PMFBP1: variants seen among roughly 807,000 people sequenced by gnomAD.
PMFBP1 encodes polyamine-modulated factor 1-binding protein 1.
PMFBP1 carries 131 observed loss-of-function variants against 137.8 expected under a neutral mutation model. The ratio of observed to expected loss-of-function variants is 0.95; its 90% CI spans 0.82 to 1.10. The LOEUF is 1.10. Ranked by LOEUF, PMFBP1 falls within the 50% of genes least tolerant of loss-of-function variation. The pLI is 0.00. For synonymous variants in PMFBP1, 490 were observed against 450.4 expected (o/e 1.09, Z -1.11); for missense variants, 1,199 against 1,175.4 (o/e 1.02, Z -0.29).
the PMFBP1 span, among the ~76,000 whole-genome samples, chr16:72,219,036 A>T: frequency 6.6e-6 from 1 of 152,228 alleles, no homozygotes; most frequent in Non-Finnish European, 1.5e-5. Context: ...TCAATTTATG[A>T]CATATAACAT....
upstream of PMFBP1, among the ~76,000 whole-genome samples, chr16:72,181,248 AAAT>A (rs1224881528): frequency 6.0e-5 from 9 of 150,212 alleles, no homozygotes; most frequent in Admixed American, 2.6e-4. Context: ...AAAAAAAAAA[AAAT>A]AATAATAATA....
the PMFBP1 span, among the ~76,000 whole-genome samples, chr16:72,200,609 A>T: frequency 6.6e-6 from 1 of 152,278 alleles, no homozygotes; most frequent in Non-Finnish European, 1.5e-5. Flanking sequence ...TTCCTGATGA[A>T]TTGCATTAAA....
chr16:72,224,417 A>C, the PMFBP1 span: 1 of 152,258 alleles, frequency 6.6e-6, no homozygotes, highest in East Asian at 1.9e-4. Flanking sequence ...CTACAGAATA[A>C]AGTTCAAGCT....
intron 14 of PMFBP1, among the ~76,000 whole-genome samples, chr16:72,127,712 G>T (rs754465757): frequency 6.6e-6 from 1 of 152,160 alleles, no homozygotes; most frequent in Non-Finnish European, 1.5e-5. Context: ...AATGGTATTA[G>T]GTCTAGATGG....
At chr16:72,129,032 C>T in intron 13 of PMFBP1, 34 bp downstream of exon 13, 1 of 1,606,584 alleles carries the variant, frequency 6.2e-7, no homozygotes. Context: ...GCTCTGGATT[C>T]CTGACCCAGC....
chr16:72,176,943 T>C (rs926365505), upstream of PMFBP1: 6 of 152,268 alleles, frequency 3.9e-5, no homozygotes, highest in African/African-American at 1.4e-4. Flanking sequence ...CTTTCTCGAC[T>C]TGCCTTGGTT....
chr16:72,118,309 C>T (rs953439882), downstream of PMFBP1, among the ~76,000 whole-genome samples: 1 of 152,212 alleles, frequency 6.6e-6, no homozygotes, highest in African/African-American at 2.4e-5. Flanking sequence ...CAACAACTAT[C>T]ATAACAGAAA....
chr16:72,223,900 T>G, the PMFBP1 span, among the ~76,000 whole-genome samples: 2 of 152,158 alleles, frequency 1.3e-5, no homozygotes, highest in Non-Finnish European at 2.9e-5. Flanking sequence ...TATCTATACC[T>G]TAAAGGCCAG....
chr16:72,249,197 C>T, the PMFBP1 span, among the ~76,000 whole-genome samples: 2 of 152,082 alleles, frequency 1.3e-5, no homozygotes, highest in Admixed American at 1.3e-4. Context: ...GTAGGTGCCT[C>T]CATTTCAGTG....
the PMFBP1 span, among the ~76,000 whole-genome samples, chr16:72,210,422 G>C: frequency 6.6e-6 from 1 of 152,076 alleles, no homozygotes; most frequent in Admixed American, 6.6e-5. Flanking sequence ...ATCCTTCCTG[G>C]AGGCTTATGC....
chr16:72,196,033 AAGAG>A, the PMFBP1 span, among the ~76,000 whole-genome samples: 13 of 108,832 alleles, frequency 1.2e-4, no homozygotes, highest in East Asian at 3.0e-4. Context: ...GTGTGTGTGA[AAGAG>A]AGAGAGAGAC....
chr16:72,133,126 C>T, intron 9 of PMFBP1, 135 bp from the exon 10 acceptor site: 1 of 912,402 alleles, frequency 1.1e-6, no homozygotes, highest in East Asian at 2.5e-5. Context: ...CCTGCCTCCA[C>T]TCCTGTTCCC....
At chr16:72,155,412 T>C (rs183928165) in intron 3 of PMFBP1, among the ~76,000 whole-genome samples, 153 of 152,354 alleles carry the variant, frequency 1.0e-3, no homozygotes, top group Admixed American at 3.9e-3. Flanking sequence ...CCACAGACTT[T>C]GCTAGCATGT....
At chr16:72,130,511 A>G (rs1167981680) in intron 11 of PMFBP1, 22 bp downstream of exon 11, 1 of 1,613,470 alleles carries the variant, frequency 6.2e-7, no homozygotes, top group African/African-American at 1.3e-5. Flanking sequence ...CTCTCTCTGG[A>G]GGGGAGCCTG....
At chr16:72,158,104 A>T (rs964492830) in intron 3 of PMFBP1, among the ~76,000 whole-genome samples, 1 of 152,162 alleles carries the variant, frequency 6.6e-6, no homozygotes, top group Non-Finnish European at 1.5e-5. Context: ...AACCAGAAAG[A>T]TGATAGCTGA....
chr16:72,164,915 G>T lies in PMFBP1; in HGVS notation c.14C>A (p.Ala5Glu). The T allele has an allele frequency of 6.3e-7, 1 of 1,576,536 alleles. No homozygotes were observed. The highest frequency in any genetic ancestry group is 8.7e-7 in the Non-Finnish European group (1 of 1,153,448). Residue 5 changes from alanine (A) to glutamate (E), a missense_variant and splice_region_variant, in exon 3 of 21, where the codon GCG becomes GAG. Transcript: ENST00000237353. The stretch of plus-strand genomic sequence containing the variant: ...GCTCACTTCTCTGTCTCTCTCCCCC[G>T]CCTAGGCAGCCAGAAAAACAAAAGC... MKDEAGERDREVSSL... is the reference protein window; with the variant it reads MKDEEGERDREVSSL...
chr16:72,155,600 T>G (rs1053665898), intron 3 of PMFBP1, among the ~76,000 whole-genome samples: 2 of 152,232 alleles, frequency 1.3e-5, no homozygotes, highest in African/African-American at 2.4e-5. Flanking sequence ...GCAATCTCAT[T>G]GGCTCCCGAG....
At chr16:72,129,372 A>G in intron 12 of PMFBP1, 139 bp from the exon 13 acceptor site, 1 of 985,674 alleles carries the variant, frequency 1.0e-6, no homozygotes, top group Non-Finnish European at 1.4e-6. Context: ...TGTAAAATAA[A>G]AGGTTTCCTC....
chr16:72,247,003 A>C, the PMFBP1 span, among the ~76,000 whole-genome samples: 1 of 152,194 alleles, frequency 6.6e-6, no homozygotes, highest in Non-Finnish European at 1.5e-5. Flanking sequence ...GCTCTGACAC[A>C]AAATGGGGCA....
Sources: gnomAD v4.1 joint callset for allele counts (sites outside exome capture counted in the v4.1 genomes callset) on GRCh38, gnomAD v4.1.1 for gene constraint, MANE v1.5 for transcripts, NCBI Gene and HGNC (gene_info 2026-07-23, HGNC 2026-07-21) for gene names.